The following NRXN3 variants were observed in gnomAD, a reference collection of about 807,000 sequenced individuals.
NRXN3 encodes neurexin 3.
A neutral mutation model predicts 137.6 loss-of-function variants in NRXN3; 32 were observed. That is an observed-to-expected ratio of 0.23 (90% confidence interval 0.18 to 0.31). NRXN3 has a LOEUF of 0.31. Ranked by LOEUF, NRXN3 falls within the 10% of genes least tolerant of loss-of-function variation. The probability of loss-of-function intolerance (pLI) is 1.00; values close to 1 mark genes in which losing one functional copy is unlikely to be tolerated. For synonymous variants in NRXN3, 798 were observed against 784.5 expected (o/e 1.02, Z -0.29); for missense variants, 1,574 against 2,062.5 (o/e 0.76, Z 4.59).
At chr14:79,233,896 C>G (rs546571835) in intron 15 of NRXN3, among the ~76,000 whole-genome samples, 1 of 151,690 alleles carries the variant, frequency 6.6e-6, no homozygotes, top group South Asian at 2.1e-4. Flanking sequence ...CAGATCAAAC[C>G]AAGTCTAAAC....
chr14:78,325,970 C>T (rs532305935), intron 4 of NRXN3, among the ~76,000 whole-genome samples: 32 of 152,320 alleles, frequency 2.1e-4, no homozygotes, highest in Non-Finnish European at 3.7e-4. Flanking sequence ...GGGTGACAAA[C>T]TTGTATACTT....
At chr14:79,332,623 C>T (rs939731517) in intron 15 of NRXN3, among the ~76,000 whole-genome samples, 1 of 152,178 alleles carries the variant, frequency 6.6e-6, no homozygotes, top group Non-Finnish European at 1.5e-5. Context: ...TTTCTCTAAA[C>T]GGACTCAAAC....
chr14:78,468,498 T>G (rs942089721), intron 4 of NRXN3, among the ~76,000 whole-genome samples: 3 of 152,192 alleles, frequency 2.0e-5, no homozygotes, highest in Non-Finnish European at 4.4e-5. Flanking sequence ...CACATTCTTA[T>G]GCTGATCACA....
chr14:79,259,502 G>T (rs1378213253), intron 15 of NRXN3, among the ~76,000 whole-genome samples: 1 of 149,174 alleles, frequency 6.7e-6, no homozygotes, highest in African/African-American at 2.5e-5. Context: ...ATAGAATAAG[G>T]TTTTAGTTAT....
intron 17 of NRXN3, among the ~76,000 whole-genome samples, chr14:79,681,742 TA>T (rs1026661166): frequency 5.4e-5 from 8 of 149,260 alleles, no homozygotes; most frequent in Non-Finnish European, 8.9e-5. Flanking sequence ...GGATTGTAGC[TA>T]TTTTTTTTTT....
chr14:79,183,104 A>G (rs1253464832), intron 15 of NRXN3, among the ~76,000 whole-genome samples: 1 of 152,188 alleles, frequency 6.6e-6, no homozygotes, highest in Non-Finnish European at 1.5e-5. Flanking sequence ...TGTAATTATT[A>G]TTTTGCTCTT....
In NRXN3 at chr14:79,605,568, A is replaced by G. The variant is rs181370439; in HGVS notation, c.3445-58210A>G. On this transcript the variant is annotated intron_variant, in intron 16 of 20. Transcript: ENST00000335750. ...AGTGGCATGATGTCAGCTCACTGCA[A>G]CCTCCGCCTCCCAGGTTCAAGCAAT... Among the ~76,000 whole-genome samples, 608 of 151,870 alleles carry G rather than the reference A, an allele frequency of 4.0e-3. 8 individuals are homozygous for G. Among genetic ancestry groups the G allele is most frequent in the African/African-American group, 0.014 (570 of 41,420 alleles).
At chr14:78,633,251 C>CAAAAAAAAAAAAAAAAAAAAAAA in intron 4 of NRXN3, among the ~76,000 whole-genome samples, 1 of 68,058 alleles carries the variant, frequency 1.5e-5, no homozygotes, top group African/African-American at 7.1e-5. Flanking sequence ...GAGACTCTGT[C>CAAAAAAAAAAAAAAAAAAAAAAA]AAAAAAAAAA....
At chr14:79,300,018 G>A (rs1171963196) in intron 15 of NRXN3, among the ~76,000 whole-genome samples, 1 of 152,008 alleles carries the variant, frequency 6.6e-6, no homozygotes, top group African/African-American at 2.4e-5. Flanking sequence ...AAATCTAACA[G>A]TTTAAGTCAC....
rs189498396 is a variant in NRXN3 at position 79,342,962 on chromosome 14, G to C, written c.3263-124259G>C. On this transcript the variant is annotated intron_variant, in intron 15 of 20. Coordinates refer to ENST00000335750, the MANE Select transcript of NRXN3 (RefSeq NM_001330195.2). ...GTTTTTCAAGATAATTTGGCGGGTA[G>C]GGGCTTGGGAAGTGGGGATTGGTCA... 2.6e-5 allele frequency among the ~76,000 whole-genome samples: 4 copies of C among 152,254 alleles called. No individual in the cohort carries two copies. The East Asian group carries it at 5.8e-4, about 22-fold the overall frequency.
At chr14:79,725,367 A>G (rs977520009) in intron 19 of NRXN3, among the ~76,000 whole-genome samples, 1 of 152,108 alleles carries the variant, frequency 6.6e-6, no homozygotes, top group African/African-American at 2.4e-5. Flanking sequence ...GAGAATTTAG[A>G]CACACTGAGC....
chr14:79,659,192 GT>G (rs5809949), intron 16 of NRXN3, among the ~76,000 whole-genome samples: 58,544 of 148,012 alleles, frequency 0.4, 15,662 homozygotes, highest in African/African-American at 0.77. Context: ...GTGCTGTTCA[GT>G]TTTTTTTTTT....
intron 4 of NRXN3, among the ~76,000 whole-genome samples, chr14:78,499,787 G>A (rs1489031296): frequency 1.3e-5 from 2 of 152,144 alleles, no homozygotes; most frequent in African/African-American, 4.8e-5. Flanking sequence ...GTTCCTAGCT[G>A]GCTGTTCACT....
chr14:78,932,372 T>C (rs534393278), intron 10 of NRXN3, among the ~76,000 whole-genome samples: 142 of 152,282 alleles, frequency 9.3e-4, no homozygotes, highest in African/African-American at 3.2e-3. Context: ...TAATAGTTTA[T>C]GGCCTTATAT....
chr14:79,693,564 G>A (rs528068637), intron 18 of NRXN3, among the ~76,000 whole-genome samples: 1 of 151,774 alleles, frequency 6.6e-6, no homozygotes, highest in Non-Finnish European at 1.5e-5. Context: ...TCATGTGCCT[G>A]AGAAACCTTT....
intron 14 of NRXN3, among the ~76,000 whole-genome samples, chr14:78,977,149 A>T (rs2099470408): frequency 6.6e-6 from 1 of 152,170 alleles, no homozygotes; most frequent in African/African-American, 2.4e-5. Context: ...ATTAAACTGG[A>T]TTTTAAAGCC....
chr14:78,802,838 C>T (rs779052621), intron 8 of NRXN3, among the ~76,000 whole-genome samples: 20 of 152,030 alleles, frequency 1.3e-4, no homozygotes, highest in East Asian at 3.9e-4. Flanking sequence ...CCCAGCTGCT[C>T]GGTAGGCTGA....
Position 78,906,305 on chromosome 14 carries a change from C to A in NRXN3, c.2276-50937C>A, listed in dbSNP as rs181128793. Among the ~76,000 whole-genome samples the A allele has an allele frequency of 3.3e-3, 499 of 152,168 alleles. 12 individuals are homozygous for A. The highest frequency in any genetic ancestry group is 0.029 in the Admixed American group (441 of 15,260). On this transcript the variant is annotated intron_variant, in intron 10 of 20. Transcript: ENST00000335750. Reference sequence around the variant, plus strand: ...ATTTTTCTTTACACTGTGCCCTGCACTCCAACTAGACTGAATGAACTACCA... The same window carrying A: ...ATTTTTCTTTACACTGTGCCCTGCAATCCAACTAGACTGAATGAACTACCA...
chr14:78,472,140 G>C (rs78026715), intron 4 of NRXN3, among the ~76,000 whole-genome samples: 3,127 of 152,304 alleles, frequency 0.021, 93 homozygotes, highest in African/African-American at 0.063. Context: ...ACAGCTTACT[G>C]TTTGAGGCCT....
Sources: gnomAD v4.1 joint callset for allele counts (sites outside exome capture counted in the v4.1 genomes callset) on GRCh38, gnomAD v4.1.1 for gene constraint, MANE v1.5 for transcripts, NCBI Gene and HGNC (gene_info 2026-07-23, HGNC 2026-07-21) for gene names.